Variants in TMEM200A observed in about 807,000 individuals in gnomAD.
TMEM200A encodes transmembrane protein 200A.
TMEM200A carries 12 observed loss-of-function variants against 24.3 expected under a neutral mutation model. The observed-to-expected ratio is 0.49, with a 90% CI of 0.32 to 0.80. The LOEUF is 0.80. Ranked by LOEUF, TMEM200A falls within the 30% of genes least tolerant of loss-of-function variation. The probability of loss-of-function intolerance (pLI) is 0.04; values close to 1 mark genes in which losing one functional copy is unlikely to be tolerated. For synonymous variants in TMEM200A, 224 were observed against 224.4 expected, an observed-to-expected ratio of 1.00 and a Z score of 0.02; for missense variants, 545 against 614.4, an observed-to-expected ratio of 0.89 and a Z score of 1.19.
chr6:130,427,475 AC>A, intron 2 of TMEM200A, among the ~76,000 whole-genome samples: 1 of 152,164 alleles, frequency 6.6e-6, no homozygotes, highest in Non-Finnish European at 1.5e-5. Flanking sequence ...TGTTGCCATT[AC>A]TATCGTGCTG....
rs112913463 is a variant in TMEM200A at position 130,441,567 on chromosome 6, T to C, written c.1145T>C (p.Phe382Ser). Residue 382 changes from phenylalanine to serine, a missense_variant, in exon 3 of 3, where the codon TTT becomes TCT. Coordinates refer to ENST00000296978, the MANE Select transcript of TMEM200A (RefSeq NM_001258277.2). ...TCTCCTGGGGCTGCCAGAAGACAGTTTGGGTCCAATACATCCTTGCATTTG... is the reference window on the plus strand; with the variant it reads ...TCTCCTGGGGCTGCCAGAAGACAGTCTGGGTCCAATACATCCTTGCATTTG... The part of the protein sequence containing the change: ...LLSPGAARRQ[F>S]GSNTSLHLLS... 5.6e-6 allele frequency: 9 copies of C among 1,613,926 alleles called. No individual in the cohort carries two copies. Among genetic ancestry groups the C allele is most frequent in the East Asian group, 2.2e-5 (1 of 44,858 alleles).
intron 2 of TMEM200A, among the ~76,000 whole-genome samples, chr6:130,395,476 C>T (rs1315791815): frequency 6.6e-6 from 1 of 152,164 alleles, no homozygotes; most frequent in African/African-American, 2.4e-5. Flanking sequence ...AAAATGGTCT[C>T]TTCAGAGGGA....
Position 130,370,835 on chromosome 6 carries a change from T to A in TMEM200A, c.-81+4311T>A, listed in dbSNP as rs576624740. Reference sequence around the variant, plus strand: ...GTTTCCAAAAGCCCTGCCCATCTAGTGATGATGAGATTGGATACCCCCTAC... The same window carrying A: ...GTTTCCAAAAGCCCTGCCCATCTAGAGATGATGAGATTGGATACCCCCTAC... On this transcript the variant is annotated intron_variant, in intron 1 of 2. Coordinates refer to ENST00000296978, the MANE Select transcript of TMEM200A (RefSeq NM_001258277.2). Among the ~76,000 whole-genome samples, 3 of 152,214 alleles carry A rather than the reference T, an allele frequency of 2.0e-5. No homozygotes were observed. The East Asian group carries it at 5.8e-4, about 29-fold the overall frequency.
intron 2 of TMEM200A, among the ~76,000 whole-genome samples, chr6:130,394,840 G>C (rs1255093419): frequency 2.0e-5 from 3 of 152,144 alleles, no homozygotes; most frequent in Non-Finnish European, 4.4e-5. Flanking sequence ...AAAGCCTTAA[G>C]GCCCTTTAGT....
chr6:130,391,255 C>T (rs1406945122), intron 2 of TMEM200A, among the ~76,000 whole-genome samples: 3 of 152,274 alleles, frequency 2.0e-5, no homozygotes, highest in East Asian at 3.9e-4. Flanking sequence ...GTTATAATAC[C>T]TATGTTGATT....
chr6:130,375,111 A>G (rs1438887150), intron 1 of TMEM200A, among the ~76,000 whole-genome samples: 1 of 152,232 alleles, frequency 6.6e-6, no homozygotes, highest in East Asian at 1.9e-4. Context: ...GTTGAAGGAT[A>G]TTATTCTATT....
intron 2 of TMEM200A, chr6:130,438,386 C>T (rs1780070612): frequency 6.6e-6 from 1 of 152,130 alleles, no homozygotes; most frequent in Admixed American, 6.5e-5. Context: ...AAGGAGAGCT[C>T]AATGCTGCAA....
At chr6:130,391,028 C>T (rs544832793) in intron 2 of TMEM200A, among the ~76,000 whole-genome samples, 8 of 152,244 alleles carry the variant, frequency 5.3e-5, no homozygotes, top group South Asian at 2.1e-4. Context: ...GTGTCCTCTG[C>T]GGGACAAAAA....
chr6:130,429,096 C>T (rs138471940), intron 2 of TMEM200A, among the ~76,000 whole-genome samples: 27 of 152,012 alleles, frequency 1.8e-4, no homozygotes, highest in South Asian at 4.2e-4. Context: ...GTAACAACAC[C>T]GATTTTCCAT....
At chr6:130,384,238 T>C (rs1176135223) in intron 1 of TMEM200A, among the ~76,000 whole-genome samples, 2 of 152,230 alleles carry the variant, frequency 1.3e-5, no homozygotes, top group Non-Finnish European at 2.9e-5. Context: ...TGGTAGTTTA[T>C]TATAAGCATT....
intron 2 of TMEM200A, among the ~76,000 whole-genome samples, chr6:130,431,414 T>G (rs1779871730): frequency 6.6e-6 from 1 of 152,194 alleles, no homozygotes; most frequent in Non-Finnish European, 1.5e-5. Flanking sequence ...CGTGTCTTAG[T>G]AAATTGGTGA....
chr6:130,412,715 C>A (rs111775536), intron 2 of TMEM200A, among the ~76,000 whole-genome samples: 1 of 152,254 alleles, frequency 6.6e-6, no homozygotes, highest in African/African-American at 2.4e-5. Flanking sequence ...GTCTTCACCC[C>A]CTTCGAATGC....
intron 2 of TMEM200A, among the ~76,000 whole-genome samples, chr6:130,436,128 C>T (rs952163556): frequency 6.6e-6 from 1 of 152,072 alleles, no homozygotes; most frequent in Non-Finnish European, 1.5e-5. Flanking sequence ...AGGCCCCTCC[C>T]CATCTCAAAT....
At chr6:130,391,124 G>C (rs1778822468) in intron 2 of TMEM200A, among the ~76,000 whole-genome samples, 1 of 152,132 alleles carries the variant, frequency 6.6e-6, no homozygotes, top group South Asian at 2.1e-4. Flanking sequence ...CTTCTCACCA[G>C]ACTGCCAGCC....
At chr6:130,422,434 A>G (rs1202407951) in intron 2 of TMEM200A, among the ~76,000 whole-genome samples, 2 of 151,948 alleles carry the variant, frequency 1.3e-5, no homozygotes, top group Admixed American at 6.6e-5. Context: ...ACACCCAGCT[A>G]ATTTTTGTAT....
At chr6:130,433,362 T>C (rs1779924970) in intron 2 of TMEM200A, among the ~76,000 whole-genome samples, 1 of 152,172 alleles carries the variant, frequency 6.6e-6, no homozygotes, top group African/African-American at 2.4e-5. Context: ...GGTCTTGAAC[T>C]CCTGACCTCA....
chr6:130,367,976 A>T (rs1290545841), intron 1 of TMEM200A, among the ~76,000 whole-genome samples: 5 of 152,254 alleles, frequency 3.3e-5, no homozygotes, highest in Non-Finnish European at 7.3e-5. Flanking sequence ...CCAGGCAGTT[A>T]GCACAGAAAG....
intron 1 of TMEM200A, among the ~76,000 whole-genome samples, chr6:130,374,217 C>CAA (rs1778387222): frequency 1.3e-5 from 2 of 152,102 alleles, no homozygotes; most frequent in African/African-American, 4.8e-5. Flanking sequence ...CCTGACAGCC[C>CAA]CGCCTCTGTA....
intron 2 of TMEM200A, among the ~76,000 whole-genome samples, chr6:130,391,491 G>A (rs1458277896): frequency 6.6e-6 from 1 of 151,248 alleles, no homozygotes; most frequent in Admixed American, 6.6e-5. Flanking sequence ...AGAAATTAAA[G>A]GCATCTTTCT....
Sources: gnomAD v4.1 joint callset for allele counts (sites outside exome capture counted in the v4.1 genomes callset) on GRCh38, gnomAD v4.1.1 for gene constraint, MANE v1.5 for transcripts, NCBI Gene and HGNC (gene_info 2026-07-23, HGNC 2026-07-21) for gene names.